Variants in SLIT2 observed in about 807,000 individuals in gnomAD.
SLIT2 encodes the protein slit homolog 2 protein.
Under a neutral mutation model 185.7 loss-of-function variants are expected in SLIT2, and 41 were observed. The ratio of observed to expected loss-of-function variants is 0.22; its 90% CI spans 0.17 to 0.29. The LOEUF (loss-of-function observed/expected upper bound fraction) is 0.29, where lower values mean the gene tolerates loss of function less well. SLIT2 is among the 10% of genes least tolerant of loss of function. The pLI, the probability that SLIT2 is intolerant of heterozygous loss-of-function variation, is 1.00. For missense variants in SLIT2, 1,571 were observed against 1,909.0 expected (o/e 0.82, Z 3.30); for synonymous variants, 693 against 680.2 (o/e 1.02, Z -0.29).
intron 4 of SLIT2, among the ~76,000 whole-genome samples, chr4:20,433,549 C>T (rs1471565768): frequency 6.6e-6 from 1 of 152,088 alleles, no homozygotes; most frequent in Non-Finnish European, 1.5e-5. Context: ...ATGTTATTTT[C>T]CTTCTGTAAA....
intron 4 of SLIT2, among the ~76,000 whole-genome samples, chr4:20,411,011 G>A (rs1188989188): frequency 2.0e-5 from 3 of 152,094 alleles, no homozygotes; most frequent in African/African-American, 4.8e-5. Context: ...TGGCAGTATG[G>A]CCATTTTCAT....
intron 4 of SLIT2, among the ~76,000 whole-genome samples, chr4:20,370,771 G>A (rs760769705): frequency 4.6e-5 from 7 of 152,084 alleles, no homozygotes; most frequent in Non-Finnish European, 8.8e-5. Context: ...CATTAACTTT[G>A]TGATCTGCAA....
chr4:20,304,163 C>G (rs1717318111), intron 4 of SLIT2, among the ~76,000 whole-genome samples: 1 of 152,020 alleles, frequency 6.6e-6, no homozygotes, highest in African/African-American at 2.4e-5. Flanking sequence ...AAAGTTCCTA[C>G]CAGTGTATAT....
intron 4 of SLIT2, among the ~76,000 whole-genome samples, chr4:20,439,011 T>C (rs909290018): frequency 6.6e-6 from 1 of 152,204 alleles, no homozygotes; most frequent in Non-Finnish European, 1.5e-5. Context: ...CTTCTCTCAT[T>C]AGAATGTTAG....
In SLIT2 at chr4:20,283,120, G is replaced by A. The variant is rs529654252; in HGVS notation, c.395+14239G>A. ...TGCCTGTGTGCCTGTGTGCGCGCGCGCACACACACACACACACACACACAA... is the reference window on the plus strand; with the variant it reads ...TGCCTGTGTGCCTGTGTGCGCGCGCACACACACACACACACACACACACAA... On this transcript the variant is annotated intron_variant, in intron 4 of 36. Coordinates refer to ENST00000504154, the MANE Select transcript of SLIT2 (RefSeq NM_004787.4). Among the ~76,000 whole-genome samples, 356 of 149,950 alleles carry A rather than the reference G, an allele frequency of 2.4e-3. 1 individual carries two copies. Among genetic ancestry groups the A allele is most frequent in the East Asian group, 8.7e-3 (43 of 4,948 alleles).
chr4:20,402,153 G>T (rs1000717301), intron 4 of SLIT2, among the ~76,000 whole-genome samples: 2 of 151,656 alleles, frequency 1.3e-5, no homozygotes, highest in African/African-American at 2.4e-5. Flanking sequence ...GGAAGTATGG[G>T]CAGCATGAAT....
intron 4 of SLIT2, among the ~76,000 whole-genome samples, chr4:20,451,883 G>A (rs80029781): frequency 2.0e-5 from 3 of 152,276 alleles, no homozygotes; most frequent in East Asian, 3.9e-4. Context: ...ATATTGTGAA[G>A]TGCTATGACA....
At chr4:20,324,646 A>G (rs1347750649) in intron 4 of SLIT2, among the ~76,000 whole-genome samples, 3 of 152,178 alleles carry the variant, frequency 2.0e-5, no homozygotes, top group Non-Finnish European at 4.4e-5. Flanking sequence ...TTCTCATCAC[A>G]GAATAACTAT....
intron 4 of SLIT2, among the ~76,000 whole-genome samples, chr4:20,411,126 T>A (rs532172704): frequency 1.3e-5 from 2 of 152,298 alleles, no homozygotes; most frequent in Non-Finnish European, 2.9e-5. Flanking sequence ...AAGAAGTCCT[T>A]CACTTCCCTT....
chr4:20,474,920 T>C (rs548996656), intron 5 of SLIT2, among the ~76,000 whole-genome samples: 2 of 152,000 alleles, frequency 1.3e-5, no homozygotes, highest in South Asian at 4.1e-4. Context: ...GAGCAGAATG[T>C]TGCCAGTTCT....
chr4:20,481,189 T>G (rs1218891305), intron 6 of SLIT2, among the ~76,000 whole-genome samples: 1 of 152,120 alleles, frequency 6.6e-6, no homozygotes, highest in Non-Finnish European at 1.5e-5. Context: ...AAATAAATTT[T>G]TTAACCAGCT....
At chr4:20,265,500 C>T (rs540547538) in intron 3 of SLIT2, among the ~76,000 whole-genome samples, 3 of 151,986 alleles carry the variant, frequency 2.0e-5, no homozygotes, top group African/African-American at 4.8e-5. Context: ...ACATTACTTA[C>T]GTTATCTGTC....
intron 4 of SLIT2, among the ~76,000 whole-genome samples, chr4:20,442,811 G>T (rs1350805977): frequency 6.6e-6 from 1 of 152,166 alleles, no homozygotes; most frequent in African/African-American, 2.4e-5. Context: ...TTTCCTTTCA[G>T]TTGGAAGGCT....
intron 3 of SLIT2, among the ~76,000 whole-genome samples, chr4:20,263,746 A>G (rs1388936086): frequency 6.6e-6 from 1 of 151,884 alleles, no homozygotes; most frequent in Non-Finnish European, 1.5e-5. Flanking sequence ...ATTATATCTC[A>G]TAGTGGCAAT....
intron 29 of SLIT2, among the ~76,000 whole-genome samples, chr4:20,586,922 G>A (rs563736981): frequency 5.9e-5 from 9 of 152,270 alleles, no homozygotes; most frequent in African/African-American, 1.4e-4. Flanking sequence ...TATGAATGTC[G>A]GGTGGAAGAT....
intron 9 of SLIT2, among the ~76,000 whole-genome samples, chr4:20,496,305 C>T (rs548317834): frequency 6.6e-6 from 1 of 152,072 alleles, no homozygotes; most frequent in African/African-American, 2.4e-5. Flanking sequence ...GAAAATATTC[C>T]TTTAAAGTCA....
chr4:20,523,650 G>A (rs58213645), intron 12 of SLIT2, 110 bp from the exon 13 acceptor site: 36,098 of 802,124 alleles, frequency 0.045, 1,807 homozygotes, highest in African/African-American at 0.21. Context: ...TGTTAGTGTT[G>A]AGGTGAAAAG....
intron 12 of SLIT2, among the ~76,000 whole-genome samples, chr4:20,521,584 G>A (rs1004649729): frequency 6.6e-6 from 1 of 152,168 alleles, no homozygotes; most frequent in Non-Finnish European, 1.5e-5. Context: ...AGATTATTAA[G>A]TAAAGAACAG....
chr4:20,391,901 G>A (rs1244017624), intron 4 of SLIT2, among the ~76,000 whole-genome samples: 1 of 152,060 alleles, frequency 6.6e-6, no homozygotes, highest in African/African-American at 2.4e-5. Flanking sequence ...CCATCTTCTA[G>A]AGGAAGAAAC....
Sources: allele counts gnomAD v4.1 joint callset (sites outside exome capture counted in the v4.1 genomes callset), GRCh38; gene constraint gnomAD v4.1.1; transcripts MANE v1.5; gene names NCBI Gene and HGNC (gene_info 2026-07-23, HGNC 2026-07-21).